MEAK7: variants seen among roughly 807,000 people sequenced by gnomAD.
MEAK7 encodes the protein MTOR-associated protein MEAK7.
In MEAK7, 68 loss-of-function variants were observed where a neutral mutation model predicts 40.5. The ratio of observed to expected loss-of-function variants is 1.68; its 90% confidence interval spans 1.38 to 2.06. MEAK7 has a LOEUF of 2.06. MEAK7 is among the 30% of genes most tolerant of loss of function. MEAK7 has a pLI of 0.00. For synonymous variants in MEAK7, 338 were observed against 231.9 expected (o/e 1.46, Z -4.16); for missense variants, 918 against 580.5 (o/e 1.58, Z -5.98).
At chr16:84,501,105 GAAAAAAAA>G (rs35447624) in intron 1 of MEAK7, among the ~76,000 whole-genome samples, 5 of 103,638 alleles carry the variant, frequency 4.8e-5, no homozygotes, top group African/African-American at 7.7e-5. Context: ...AAAAAAAAAA[GAAAAAAAA>G]AAAAAAAAAA....
At chr16:84,488,117 A>G (rs1014343560) in intron 4 of MEAK7, 13 of 152,180 alleles carry the variant, frequency 8.5e-5, no homozygotes, top group African/African-American at 3.1e-4. Context: ...CATTACCTAT[A>G]TATTACTTGA....
chr16:84,489,309 A>G lies in MEAK7; in HGVS notation c.498T>C (p.Ala166=), dbSNP rs774993405. 3.7e-6 allele frequency: 6 copies of G among 1,614,062 alleles called. No individual in the cohort carries two copies. The highest frequency in any genetic ancestry group is 1.1e-5 in the South Asian group (1 of 91,090). Residue 166 remains alanine (A), a synonymous_variant, in exon 4 of 8, where the codon GCT becomes GCC. Transcript: ENST00000343629. ...PGPNPRVQVL[A]AQLLSDMKLQ... Reference sequence around the variant, plus strand: ...GCTTCATGTCAGAGAGCAGCTGAGCAGCCAGCACCTGCACCCGGGGGTTGG... The same window carrying G: ...GCTTCATGTCAGAGAGCAGCTGAGCGGCCAGCACCTGCACCCGGGGGTTGG...
rs142989005 is a variant in MEAK7, at chr16:84,479,922, G to A, written c.1362C>T (p.Asp454=). ...AGGCTCAGGCGGCTCCTCATTCATCGTCCGGGACTTCCCGGAGCCCTTCGC... is the reference window on the plus strand; with the variant it reads ...AGGCTCAGGCGGCTCCTCATTCATCATCCGGGACTTCCCGGAGCCCTTCGC... The part of the protein sequence containing the change: ...RHSEGLREVP[D]DE Residue 454 remains aspartate (D), a synonymous_variant, in exon 8 of 8, where the codon GAC becomes GAT. Coordinates refer to ENST00000343629, the MANE Select transcript of MEAK7 (RefSeq NM_020947.4). The A allele has an allele frequency of 7.9e-4, 1,272 of 1,602,606 alleles. 8 individuals carry two copies. In the African/African-American group the frequency reaches 1.0e-2, roughly 13 times the overall value.
At chr16:84,481,567 A>T (rs1015104711) in intron 6 of MEAK7, among the ~76,000 whole-genome samples, 5 of 152,180 alleles carry the variant, frequency 3.3e-5, no homozygotes, top group African/African-American at 1.2e-4. Context: ...CCTGGGAAGG[A>T]CGCTGGTCCC....
chr16:84,480,550 T>G lies in MEAK7; in HGVS notation c.1236A>C (p.Gly412=), dbSNP rs745384759. 3.1e-6 allele frequency: 5 copies of G among 1,612,258 alleles called. No individual in the cohort carries two copies. Among genetic ancestry groups the G allele is most frequent in the Non-Finnish European group, 4.2e-6 (5 of 1,179,290 alleles). The change falls in exon 7 of 8, where the codon GGA becomes GGC. Residue 412 remains glycine (G), a synonymous_variant. Coordinates refer to ENST00000343629, the MANE Select transcript of MEAK7 (RefSeq NM_020947.4). ...QFDKMEVWAV[G]DPSEEQLAKG... ...TCACCAACTGCTCCTCTGAGGGGTC[T>G]CCAACCGCCCACACCTCCATCTTAT...
intron 1 of MEAK7, chr16:84,504,232 T>A: frequency 2.3e-6 from 2 of 888,150 alleles, no homozygotes; most frequent in Non-Finnish European, 2.7e-6. Flanking sequence ...CAGACTCGCC[T>A]CCTCCGTGGA....
rs780794528 is a variant in MEAK7, at chr16:84,485,676, A to ACC, written c.958+954_958+955insGG. On this transcript the variant is annotated intron_variant, in intron 5 of 7. Coordinates refer to ENST00000343629, the MANE Select transcript of MEAK7 (RefSeq NM_020947.4). ...CATCCATCCATCCATCTATCTACCT[A>ACC]TCTATCTATCTATCTATCTATCTAG... is the stretch of plus-strand genomic sequence containing the variant. 3.6e-3 allele frequency among the ~76,000 whole-genome samples: 546 copies of ACC among 152,036 alleles called. 8 individuals carry two copies. The highest frequency in any genetic ancestry group is 0.011 in the African/African-American group (461 of 41,498).
chr16:84,496,351 C>T (rs1914048704), intron 2 of MEAK7, among the ~76,000 whole-genome samples: 1 of 152,172 alleles, frequency 6.6e-6, no homozygotes, highest in Non-Finnish European at 1.5e-5. Flanking sequence ...CCTCCTCCAG[C>T]CTCTGCATAT....
In MEAK7 at chr16:84,479,976, C is replaced by T; in HGVS notation, c.1308G>A (p.Leu436=). 1 of 1,609,668 alleles carries T rather than the reference C, an allele frequency of 6.2e-7. No homozygotes were observed. Among genetic ancestry groups the T allele is most frequent in the Non-Finnish European group, 8.5e-7 (1 of 1,177,048 alleles). The change falls in exon 8 of 8, where the codon CTG becomes CTA. Residue 436 remains leucine (L), a synonymous_variant. Coordinates refer to ENST00000343629, the MANE Select transcript of MEAK7 (RefSeq NM_020947.4). ...ILDADPEAQA[L]LEISGHSRHS... ...GGCGCGAATGCCCACTGATCTCCAG[C>T]AGGGCCTGGGCCTCAGGGTCCGCAT...
At chr16:84,500,048 T>C (rs1415071056) in intron 1 of MEAK7, 1 of 152,218 alleles carries the variant, frequency 6.6e-6, no homozygotes, top group Non-Finnish European at 1.5e-5. Context: ...AAAAAAATAA[T>C]AAATGGAATT....
chr16:84,496,022 T>C (rs2150643529), intron 2 of MEAK7, 109 bp from the exon 3 acceptor site: 2 of 1,252,124 alleles, frequency 1.6e-6, no homozygotes, highest in Non-Finnish European at 2.2e-6. Context: ...CTTGGGAAGT[T>C]TTCGTTTTTT....
chr16:84,494,901 G>C, intron 3 of MEAK7: 1 of 433,956 alleles, frequency 2.3e-6, no homozygotes, highest in South Asian at 1.7e-5. Context: ...GAAAAATTAA[G>C]CTAAAAGCTG....
chr16:84,497,563 T>C, intron 2 of MEAK7: 2 of 1,297,768 alleles, frequency 1.5e-6, no homozygotes, highest in Non-Finnish European at 1.0e-6. Flanking sequence ...CGAGGCAGGC[T>C]ATCTCTCTCC....
intron 6 of MEAK7, 151 bp downstream of exon 6, chr16:84,482,441 C>A (rs1032071610): frequency 7.7e-7 from 1 of 1,302,356 alleles, no homozygotes. Flanking sequence ...CCCCCAGCAC[C>A]GGCCCTGGAA....
At position 84,486,945 on chromosome 16, in the gene MEAK7, C is replaced by T. The variant is rs746822215; in HGVS notation, c.644G>A (p.Cys215Tyr). The change falls in exon 5 of 8, where the codon TGC (cysteine) becomes TAC (tyrosine). Residue 215 changes from cysteine (C) to tyrosine (Y), a missense_variant. Coordinates refer to ENST00000343629, the MANE Select transcript of MEAK7 (RefSeq NM_020947.4). ...HVAIFLSVVICKGFLILCSSL... is the reference protein window; with the variant it reads ...HVAIFLSVVIYKGFLILCSSL... ...CGAGCACAGGATGAGAAAGCCCTTG[C>T]AAATGACCACACTCAGGAATATGGC... The T allele has an allele frequency of 2.5e-6, 4 of 1,614,174 alleles. No homozygotes were observed. Among genetic ancestry groups the T allele is most frequent in the Admixed American group, 1.7e-5 (1 of 60,026 alleles).
In MEAK7 at chr16:84,480,020, C is replaced by T. The variant is rs1384096696; in HGVS notation, c.1264G>A (p.Gly422Ser). The T allele has an allele frequency of 6.3e-7, 1 of 1,597,850 alleles. No homozygotes were observed. The highest frequency in any genetic ancestry group is 8.6e-7 in the Non-Finnish European group (1 of 1,169,280). ...TCCGCATCCAGGATGCTCTTGTTGCCCTTGGCCTTGAGAAGAGAAGAAAGG... is the reference window on the plus strand; with the variant it reads ...TCCGCATCCAGGATGCTCTTGTTGCTCTTGGCCTTGAGAAGAGAAGAAAGG... ...GDPSEEQLAK[G>S]NKSILDADPE... The change falls in exon 8 of 8, where the codon GGC becomes AGC. Residue 422 changes from glycine (G) to serine (S), a missense_variant. By Grantham distance (56) the Gly-to-Ser change is moderately conservative. Transcript: ENST00000343629.
intron 1 of MEAK7, among the ~76,000 whole-genome samples, chr16:84,500,827 A>C (rs190133354): frequency 1.0e-3 from 159 of 152,138 alleles, no homozygotes; most frequent in African/African-American, 3.6e-3. Flanking sequence ...AAGCAGACCC[A>C]CCCTCTGCAT....
intron 5 of MEAK7, among the ~76,000 whole-genome samples, chr16:84,484,290 C>G (rs895279034): frequency 6.6e-6 from 1 of 152,208 alleles, no homozygotes; most frequent in African/African-American, 2.4e-5. Flanking sequence ...GTGACACCAA[C>G]AACGAGGACT....
intron 5 of MEAK7, among the ~76,000 whole-genome samples, chr16:84,482,961 T>C (rs1912709821): frequency 2.0e-5 from 3 of 152,050 alleles, no homozygotes; most frequent in African/African-American, 4.8e-5. Context: ...GGAGCAGAGA[T>C]CAGAACTCTG....
Sources: allele counts gnomAD v4.1 joint callset (sites outside exome capture counted in the v4.1 genomes callset), GRCh38; gene constraint gnomAD v4.1.1; transcripts MANE v1.5; gene names NCBI Gene and HGNC (gene_info 2026-07-23, HGNC 2026-07-21).